The following ETV6 variants were observed in gnomAD, a reference collection of about 807,000 sequenced individuals.
ETV6 encodes the protein ETS variant transcription factor 6.
A neutral mutation model predicts 51.1 loss-of-function variants in ETV6; 16 were observed. The ratio of observed to expected loss-of-function variants is 0.31; its 90% CI spans 0.21 to 0.48. The LOEUF (loss-of-function observed/expected upper bound fraction) is 0.48. ETV6 is among the 20% of genes least tolerant of loss of function. The probability of loss-of-function intolerance (pLI) is 0.99; values close to 1 mark genes in which losing one functional copy is unlikely to be tolerated. For synonymous variants in ETV6, 240 were observed against 224.1 expected (o/e 1.07, Z -0.64); for missense variants, 458 against 594.8 (o/e 0.77, Z 2.39).
At chr12:11,727,296 C>T (rs1865509066) in intron 1 of ETV6, among the ~76,000 whole-genome samples, 1 of 152,256 alleles carries the variant, frequency 6.6e-6, no homozygotes, top group Admixed American at 6.5e-5. Flanking sequence ...GCCCGGCATC[C>T]CGCAGGCGGG....
intron 3 of ETV6, among the ~76,000 whole-genome samples, chr12:11,849,615 C>T (rs1946517122): frequency 6.6e-6 from 1 of 152,168 alleles, no homozygotes; most frequent in Non-Finnish European, 1.5e-5. Context: ...AAACTAAGAA[C>T]CAAAGTACAG....
rs1865586663 is a variant in ETV6 at position 11,731,065 on chromosome 12, C to G, written c.34-21385C>G. Among the ~76,000 whole-genome samples, 4 of 152,184 alleles carry G rather than the reference C, an allele frequency of 2.6e-5. No homozygotes were observed. The South Asian group carries it at 8.3e-4, about 32-fold the overall frequency. ...TGAGGCTGCCTTTTGTAGCACTGCT[C>G]TTTGTGAATGGGAAGTGCTGCTGGG... On this transcript the variant is annotated intron_variant, in intron 1 of 7. Transcript: ENST00000396373.
intron 4 of ETV6, among the ~76,000 whole-genome samples, chr12:11,858,617 C>T (rs181243370): frequency 3.3e-5 from 5 of 152,266 alleles, no homozygotes; most frequent in African/African-American, 7.2e-5. Flanking sequence ...CCCATCACCC[C>T]CTTGGAGCTT....
chr12:11,792,686 C>CA (rs5796468), intron 2 of ETV6, among the ~76,000 whole-genome samples: 93,395 of 145,252 alleles, frequency 0.64, 29,422 homozygotes, highest in African/African-American at 0.67. Context: ...GATTCCATCT[C>CA]AAAAAAAAAA....
chr12:11,872,001 CT>C (rs2136548614), intron 5 of ETV6, among the ~76,000 whole-genome samples: 1 of 152,340 alleles, frequency 6.6e-6, no homozygotes, highest in East Asian at 1.9e-4. Flanking sequence ...CCATCTCGTG[CT>C]TTCCAGGCAA....
At chr12:11,849,996 C>T (rs1946525493) in intron 3 of ETV6, among the ~76,000 whole-genome samples, 1 of 152,196 alleles carries the variant, frequency 6.6e-6, no homozygotes, top group Non-Finnish European at 1.5e-5. Flanking sequence ...CATGTCTGTG[C>T]ATGGACTGAC....
In ETV6 at chr12:11,892,557, C is replaced by G. The variant is rs1947311561; in HGVS notation, c.*1511C>G. On this transcript the variant is annotated 3_prime_UTR_variant, in exon 8 of 8. Coordinates refer to ENST00000396373, the MANE Select transcript of ETV6 (RefSeq NM_001987.5). ...CTAAATTGACTCTTCCAATATAGGT[C>G]TCAGAAATCCAATATTTGGAGTACA... 1 of 229,944 alleles carries G rather than the reference C, an allele frequency of 4.3e-6. No homozygotes were observed. 14.2% of individuals were successfully genotyped at this position (229,944 alleles called of 1,614,324 possible). A position where few individuals can be genotyped will look rare whatever the true frequency, so the allele number is the denominator to read the frequency against.
chr12:11,693,558 T>G (rs1367799174), intron 1 of ETV6, among the ~76,000 whole-genome samples: 1 of 152,156 alleles, frequency 6.6e-6, no homozygotes, highest in Non-Finnish European at 1.5e-5. Flanking sequence ...GCTGTTTGCT[T>G]GGATGGTAGA....
At chr12:11,865,402 G>GT (rs1307744760) in intron 4 of ETV6, among the ~76,000 whole-genome samples, 1 of 151,626 alleles carries the variant, frequency 6.6e-6, no homozygotes, top group Non-Finnish European at 1.5e-5. Context: ...TCTCATAAAT[G>GT]TTTTTTACAG....
intron 4 of ETV6, among the ~76,000 whole-genome samples, chr12:11,868,339 G>A (rs888224547): frequency 8.5e-5 from 13 of 152,070 alleles, no homozygotes; most frequent in South Asian, 4.2e-4. Context: ...ACTTCTTTAC[G>A]CCTCAGTTTT....
At chr12:11,721,595 G>T (rs1010877177) in intron 1 of ETV6, among the ~76,000 whole-genome samples, 1 of 152,200 alleles carries the variant, frequency 6.6e-6, no homozygotes, top group Non-Finnish European at 1.5e-5. Context: ...GCGGGAGGGG[G>T]TTAATGAGTC....
intron 1 of ETV6, among the ~76,000 whole-genome samples, chr12:11,685,141 A>G (rs1864603425): frequency 6.6e-6 from 1 of 152,170 alleles, no homozygotes; most frequent in South Asian, 2.1e-4. Context: ...TCATCTAGCT[A>G]GGCACCTTTT....
chr12:11,881,647 C>A (rs1168207561), intron 5 of ETV6, among the ~76,000 whole-genome samples: 1 of 152,230 alleles, frequency 6.6e-6, no homozygotes, highest in Non-Finnish European at 1.5e-5. Flanking sequence ...AAGACCTAAT[C>A]ACCTCCCAAA....
At chr12:11,780,708 G>A (rs1408325031) in intron 2 of ETV6, among the ~76,000 whole-genome samples, 1 of 152,244 alleles carries the variant, frequency 6.6e-6, no homozygotes, top group Non-Finnish European at 1.5e-5. Flanking sequence ...ACTGTGGCAA[G>A]TGCATCTAAT....
intron 1 of ETV6, among the ~76,000 whole-genome samples, chr12:11,738,708 A>C (rs1865755529): frequency 6.6e-6 from 1 of 152,148 alleles, no homozygotes; most frequent in Non-Finnish European, 1.5e-5. Flanking sequence ...ACTTCGAGTC[A>C]GGTATTTCAC....
intron 2 of ETV6, among the ~76,000 whole-genome samples, chr12:11,832,956 A>G (rs979701867): frequency 6.6e-6 from 1 of 152,264 alleles, no homozygotes; most frequent in African/African-American, 2.4e-5. Flanking sequence ...ACAGATGCTT[A>G]GCAAAGCCAC....
At chr12:11,694,214 T>C (rs1257366433) in intron 1 of ETV6, among the ~76,000 whole-genome samples, 5 of 152,228 alleles carry the variant, frequency 3.3e-5, no homozygotes, top group Non-Finnish European at 5.9e-5. Flanking sequence ...CAACATTTGG[T>C]AAACCTTGGT....
At chr12:11,821,979 T>C (rs959513163) in intron 2 of ETV6, among the ~76,000 whole-genome samples, 3 of 152,230 alleles carry the variant, frequency 2.0e-5, no homozygotes, top group Admixed American at 6.5e-5. Context: ...GCTCTTTTCA[T>C]GTGTGCAGGC....
At chr12:11,670,198 G>C (rs1450841391) in intron 1 of ETV6, among the ~76,000 whole-genome samples, 2 of 152,208 alleles carry the variant, frequency 1.3e-5, no homozygotes, top group Non-Finnish European at 2.9e-5. Context: ...TTGGTATCAA[G>C]CACGCCTTTC....
Sources: gnomAD v4.1 joint callset for allele counts (sites outside exome capture counted in the v4.1 genomes callset) on GRCh38, gnomAD v4.1.1 for gene constraint, MANE v1.5 for transcripts, NCBI Gene and HGNC (gene_info 2026-07-23, HGNC 2026-07-21) for gene names.